SCN7A: variants seen among roughly 807,000 people sequenced by gnomAD.
The protein encoded by SCN7A is sodium channel protein type 7 subunit alpha.
SCN7A carries 138 observed loss-of-function variants against 155.2 expected under a neutral mutation model. That is an observed-to-expected ratio of 0.89 (90% confidence interval 0.77 to 1.02). The LOEUF is 1.02. Among genes scored for constraint, SCN7A ranks in the 50% least tolerant of loss-of-function variants. The probability of loss-of-function intolerance (pLI) is 0.00; values close to 1 mark genes in which losing one functional copy is unlikely to be tolerated. For missense variants in SCN7A, 2,058 were observed against 1,986.6 expected, an observed-to-expected ratio of 1.04 and a Z score of -0.68; for synonymous variants, 693 against 649.0, an observed-to-expected ratio of 1.07 and a Z score of -1.03.
chr2:166,414,299 T>TATACACAC (rs1559088923), intron 21 of SCN7A, among the ~76,000 whole-genome samples: 2 of 93,518 alleles, frequency 2.1e-5, no homozygotes, highest in Non-Finnish European at 1.9e-5. Context: ...CACACATATA[T>TATACACAC]ATATATATAT....
chr2:166,411,538 A>G (rs1701203192), intron 23 of SCN7A, among the ~76,000 whole-genome samples: 1 of 152,040 alleles, frequency 6.6e-6, no homozygotes, highest in Non-Finnish European at 1.5e-5. Context: ...AAGAAAAAAA[A>G]ACATATGCTG....
intron 5 of SCN7A, 94 bp downstream of exon 5, chr2:166,473,705 T>G (rs959929665): frequency 7.0e-6 from 2 of 287,316 alleles, no homozygotes; most frequent in Non-Finnish European, 1.3e-5. Flanking sequence ...TAAAATATAA[T>G]GTATCATAAT....
intron 2 of SCN7A, among the ~76,000 whole-genome samples, chr2:166,480,291 G>A (rs1228568160): frequency 1.3e-5 from 2 of 151,860 alleles, no homozygotes; most frequent in African/African-American, 4.8e-5. Context: ...CCCCGTCTCT[G>A]CTAAAAATAC....
chr2:166,488,098 T>C (rs958523465), intron 1 of SCN7A, among the ~76,000 whole-genome samples: 37 of 152,234 alleles, frequency 2.4e-4, no homozygotes. Context: ...ATCTGTATTG[T>C]TGAGAATGTA....
chr2:166,471,972 T>G (rs1478261603), intron 6 of SCN7A, among the ~76,000 whole-genome samples: 2 of 151,934 alleles, frequency 1.3e-5, no homozygotes, highest in Non-Finnish European at 2.9e-5. Context: ...ATTCTTTTTT[T>G]ATTATTATAC....
intron 11 of SCN7A, among the ~76,000 whole-genome samples, chr2:166,456,512 T>C (rs926465704): frequency 2.6e-5 from 4 of 152,058 alleles, no homozygotes; most frequent in East Asian, 3.9e-4. Context: ...CAAAAAAATA[T>C]CATAAGTGTG....
chr2:166,467,837 A>C (rs1257291290), intron 7 of SCN7A, among the ~76,000 whole-genome samples: 1 of 151,864 alleles, frequency 6.6e-6, no homozygotes, highest in Non-Finnish European at 1.5e-5. Flanking sequence ...TGATAAAAAA[A>C]ATTTAAACCA....
At chr2:166,486,444 A>G (rs2105535435) in intron 2 of SCN7A, among the ~76,000 whole-genome samples, 1 of 152,308 alleles carries the variant, frequency 6.6e-6, no homozygotes, top group African/African-American at 2.4e-5. Flanking sequence ...ACAGTGTCAA[A>G]TCTGCAGTTC....
intron 20 of SCN7A, 109 bp from the exon 21 acceptor site, chr2:166,417,094 C>A: frequency 1.2e-6 from 1 of 828,574 alleles, no homozygotes; most frequent in East Asian, 2.7e-5. Context: ...AAAAAAAAAC[C>A]TTAAAAGGCC....
At chr2:166,462,196 A>G (rs1702429199) in intron 10 of SCN7A, 193 bp downstream of exon 10, 3 of 525,436 alleles carry the variant, frequency 5.7e-6, no homozygotes, top group African/African-American at 5.6e-5. Flanking sequence ...TTCAAAGATT[A>G]AATAAGATAT....
At chr2:166,456,067 T>G (rs994992223) in intron 11 of SCN7A, among the ~76,000 whole-genome samples, 4 of 152,162 alleles carry the variant, frequency 2.6e-5, no homozygotes, top group African/African-American at 9.7e-5. Context: ...GGGATATGGA[T>G]GAAGCTGGAA....
At chr2:166,414,889 AAT>A (rs1701332263) in intron 21 of SCN7A, among the ~76,000 whole-genome samples, 1 of 75,368 alleles carries the variant, frequency 1.3e-5, no homozygotes, top group Non-Finnish European at 2.5e-5. Flanking sequence ...GATAATATAT[AAT>A]ATATATTATT....
At chr2:166,483,699 G>A (rs981607325) in intron 2 of SCN7A, among the ~76,000 whole-genome samples, 4 of 151,756 alleles carry the variant, frequency 2.6e-5, no homozygotes, top group African/African-American at 9.7e-5. Context: ...GCTGGTTAGG[G>A]TATGAAAAAA....
At position 166,465,872 on chromosome 2, in the gene SCN7A, C is replaced by T. The variant is rs770039746; in HGVS notation, c.780G>A (p.Met260Ile). The change falls in exon 8 of 26, where the codon ATG becomes ATA. Residue 260 changes from methionine to isoleucine, a missense_variant. Transcript: ENST00000643258. ...GAAAACATTTATGTTTCAAGTTGCCCATGAAGAGCCCCATCCCAATTAGAG... is the reference window on the plus strand; with the variant it reads ...GAAAACATTTATGTTTCAAGTTGCCTATGAAGAGCCCCATCCCAATTAGAG... ...IFSLIGMGLF[M>I]GNLKHKCFRW... 13 of 1,613,764 alleles carry T rather than the reference C, an allele frequency of 8.1e-6. No individual in the cohort carries two copies. In the East Asian group the frequency reaches 2.5e-4, roughly 30 times the overall value.
chr2:166,441,785 A>G (rs1156749400), intron 14 of SCN7A, 33 bp from the exon 15 acceptor site: 1 of 1,525,034 alleles, frequency 6.6e-7, no homozygotes, highest in South Asian at 1.3e-5. Flanking sequence ...AGAACAAGAA[A>G]CAAATGACAA....
intron 20 of SCN7A, among the ~76,000 whole-genome samples, chr2:166,419,325 A>G (rs1189220189): frequency 6.7e-6 from 1 of 148,678 alleles, no homozygotes; most frequent in Non-Finnish European, 1.5e-5. Flanking sequence ...ATGTTTTCCT[A>G]TCACTAAACT....
chr2:166,485,350 C>T (rs1232807163), intron 2 of SCN7A, among the ~76,000 whole-genome samples: 2 of 152,090 alleles, frequency 1.3e-5, no homozygotes, highest in Non-Finnish European at 2.9e-5. Context: ...AGGGAAGGAA[C>T]AGTCTAAGAC....
intron 25 of SCN7A, among the ~76,000 whole-genome samples, chr2:166,408,627 T>A (rs959379538): frequency 6.6e-6 from 1 of 152,016 alleles, no homozygotes; most frequent in Admixed American, 6.6e-5. Flanking sequence ...GTTTTTCTGA[T>A]AGCTTCTTCT....
At chr2:166,408,350 C>T (rs1701121545) in intron 25 of SCN7A, among the ~76,000 whole-genome samples, 1 of 151,914 alleles carries the variant, frequency 6.6e-6, no homozygotes. Context: ...ATCAACAATC[C>T]ATTTAAAAGC....
Sources: allele counts gnomAD v4.1 joint callset (sites outside exome capture counted in the v4.1 genomes callset), GRCh38; gene constraint gnomAD v4.1.1; transcripts MANE v1.5; gene names NCBI Gene and HGNC (gene_info 2026-07-23, HGNC 2026-07-21).